LRRC37A2: variants seen among roughly 807,000 people sequenced by gnomAD.
The protein encoded by LRRC37A2 is leucine rich repeat containing 37 member A2, also known as leucine-rich repeat-containing protein 37A2.
LRRC37A2 carries 9 observed loss-of-function variants against 68.8 expected under a neutral mutation model. That is an observed-to-expected ratio of 0.13 (90% CI 0.08 to 0.23). The LOEUF (loss-of-function observed/expected upper bound fraction) is 0.23. Ranked by LOEUF, LRRC37A2 falls within the 10% of genes least tolerant of loss-of-function variation. The pLI is 1.00. For missense variants in LRRC37A2, 168 were observed against 950.4 expected (o/e 0.18, Z 10.82); for synonymous variants, 63 against 367.6 (o/e 0.17, Z 9.48).
chr17:46,925,627 G>T, the LRRC37A2 span, among the ~76,000 whole-genome samples: 1 of 152,176 alleles, frequency 6.6e-6, no homozygotes, highest in Non-Finnish European at 1.5e-5. Flanking sequence ...CAAGAAACAC[G>T]TGGAGTCCAG....
chr17:46,938,949 A>G, the LRRC37A2 span: 1 of 1,489,562 alleles, frequency 6.7e-7, no homozygotes, highest in Admixed American at 2.0e-5. Context: ...AGGGGGAGCT[A>G]GTGCCACCAC....
the LRRC37A2 span, among the ~76,000 whole-genome samples, chr17:46,927,889 A>G: frequency 6.6e-6 from 1 of 151,806 alleles, no homozygotes; most frequent in African/African-American, 2.4e-5. Context: ...CATATTACCA[A>G]CTTTCAGATT....
the LRRC37A2 span, chr17:46,711,140 G>A: frequency 1.4e-6 from 2 of 1,471,326 alleles, no homozygotes; most frequent in Non-Finnish European, 1.8e-6. Context: ...ATGAGGAGAT[G>A]GCATTAAAAG....
the LRRC37A2 span, among the ~76,000 whole-genome samples, chr17:46,864,824 G>A: frequency 5.3e-5 from 8 of 150,904 alleles, no homozygotes; most frequent in Admixed American, 2.6e-4. Context: ...TGTGGCCACC[G>A]GAGACCTGCA....
chr17:46,760,820 CA>C, the LRRC37A2 span, among the ~76,000 whole-genome samples: 1 of 152,004 alleles, frequency 6.6e-6, no homozygotes, highest in East Asian at 1.9e-4. Flanking sequence ...AGGTGGCAAT[CA>C]AAATTCAAAA....
chr17:46,878,265 C>G, the LRRC37A2 span, among the ~76,000 whole-genome samples: 1 of 152,232 alleles, frequency 6.6e-6, no homozygotes, highest in African/African-American at 2.4e-5. Context: ...CCTAGAGTTG[C>G]TGACCCTTCA....
the LRRC37A2 span, among the ~76,000 whole-genome samples, chr17:46,907,550 CT>C: frequency 1.0e-2 from 1,422 of 142,882 alleles, 15 homozygotes; most frequent in Non-Finnish European, 0.012. Flanking sequence ...GCTCCCTTAA[CT>C]TTTTTTTTTT....
At chr17:46,768,231 C>T in the LRRC37A2 span, 8 of 1,584,870 alleles carry the variant, frequency 5.0e-6, no homozygotes, top group Admixed American at 1.7e-5. This position sits in a 1 kb window ranked among gnomAD's most constrained non-coding sequence, Gnocchi z 5.0. Context: ...AGAAGGGGGT[C>T]GTCAAGAAGA....
chr17:46,492,810 C>T, the LRRC37A2 span, among the ~76,000 whole-genome samples: 1 of 149,550 alleles, frequency 6.7e-6, no homozygotes, highest in Non-Finnish European at 1.5e-5. Context: ...TCTCCTGCCT[C>T]AGCCTCCCGT....
At chr17:47,006,996 C>T in the LRRC37A2 span, among the ~76,000 whole-genome samples, 2 of 152,144 alleles carry the variant, frequency 1.3e-5, no homozygotes, top group Admixed American at 6.5e-5. Flanking sequence ...TTCATGGTTC[C>T]AGAGGTTCTC....
the LRRC37A2 span, among the ~76,000 whole-genome samples, chr17:46,837,484 C>T: frequency 6.6e-6 from 1 of 152,182 alleles, no homozygotes; most frequent in Non-Finnish European, 1.5e-5. Context: ...TTTGTTTCCC[C>T]ATCGAATCCT....
chr17:46,636,057 GT>G, the LRRC37A2 span, among the ~76,000 whole-genome samples: 68 of 48,340 alleles, frequency 1.4e-3, no homozygotes, highest in Middle Eastern at 8.5e-3. Flanking sequence ...TAAGAATCAA[GT>G]TTTTTTTTCT....
At chr17:46,970,929 C>T in the LRRC37A2 span, among the ~76,000 whole-genome samples, 1 of 152,300 alleles carries the variant, frequency 6.6e-6, no homozygotes, top group Non-Finnish European at 1.5e-5. Flanking sequence ...TCTATCGATC[C>T]CTCAAAATAT....
chr17:46,743,971 C>T, the LRRC37A2 span, among the ~76,000 whole-genome samples: 2 of 152,280 alleles, frequency 1.3e-5, no homozygotes, highest in East Asian at 1.9e-4. Flanking sequence ...AGGATTTAGG[C>T]GCATTCAGGA....
chr17:46,494,058 T>A, the LRRC37A2 span, among the ~76,000 whole-genome samples: 2 of 149,292 alleles, frequency 1.3e-5, no homozygotes, highest in Non-Finnish European at 2.9e-5. Flanking sequence ...TTGCCCAGGC[T>A]GGTCTTGAAC....
the LRRC37A2 span, among the ~76,000 whole-genome samples, chr17:47,038,522 G>A: frequency 6.6e-6 from 1 of 150,722 alleles, no homozygotes; most frequent in Non-Finnish European, 1.5e-5. Flanking sequence ...ATTTTATAAC[G>A]TTGTAGTTCA....
At chr17:46,875,346 A>G in the LRRC37A2 span, 1 of 1,608,594 alleles carries the variant, frequency 6.2e-7, no homozygotes, top group Non-Finnish European at 8.5e-7. Flanking sequence ...AGACGCCCAC[A>G]ATACCCACGT....
At chr17:46,790,523 C>T in the LRRC37A2 span, among the ~76,000 whole-genome samples, 1 of 152,082 alleles carries the variant, frequency 6.6e-6, no homozygotes, top group East Asian at 1.9e-4. Flanking sequence ...CACAGCCCCA[C>T]CCTGGGTCCA....
the LRRC37A2 span, among the ~76,000 whole-genome samples, chr17:46,897,593 G>A: frequency 2.0e-5 from 3 of 152,144 alleles, no homozygotes; most frequent in Admixed American, 1.3e-4. Flanking sequence ...ATGGTGCTTG[G>A]TGAATGGCTT....
Sources: gnomAD v4.1 joint callset for allele counts (sites outside exome capture counted in the v4.1 genomes callset) on GRCh38, gnomAD v4.1.1 for gene constraint, Gnocchi (gnomAD v3.1) non-coding constraint, MANE v1.5 for transcripts, NCBI Gene and HGNC (gene_info 2026-07-23, HGNC 2026-07-21) for gene names.